The following COX15 variants were observed in gnomAD, a reference collection of about 807,000 sequenced individuals.
The protein encoded by COX15 is heme A synthase COX15.
In COX15, 51 loss-of-function variants were observed where a neutral mutation model predicts 51.9. The ratio of observed to expected loss-of-function variants is 0.98; its 90% confidence interval spans 0.78 to 1.24. The LOEUF (loss-of-function observed/expected upper bound fraction) is 1.24, where lower values mean the gene tolerates loss of function less well. Ranked by LOEUF, COX15 falls within the 50% of genes most tolerant of loss-of-function variation. The probability of loss-of-function intolerance (pLI) is 0.00; values close to 1 mark genes in which losing one functional copy is unlikely to be tolerated. For missense variants in COX15, 420 were observed against 501.1 expected, an observed-to-expected ratio of 0.84 and a Z score of 1.55; for synonymous variants, 188 against 190.5, an observed-to-expected ratio of 0.99 and a Z score of 0.11.
downstream of COX15, among the ~76,000 whole-genome samples, chr10:99,707,045 T>C (rs1489560927): frequency 6.6e-6 from 1 of 152,244 alleles, no homozygotes; most frequent in Non-Finnish European, 1.5e-5. Context: ...GCAGACACTC[T>C]TAAGGATTTT....
the COX15 span, among the ~76,000 whole-genome samples, chr10:99,698,347 C>CT: frequency 6.6e-6 from 1 of 152,034 alleles, no homozygotes; most frequent in African/African-American, 2.4e-5. Flanking sequence ...ATATTCCTCT[C>CT]TTTTTTTTCT....
intron 7 of COX15, among the ~76,000 whole-genome samples, chr10:99,717,977 G>A (rs890005789): frequency 6.6e-6 from 1 of 152,180 alleles, no homozygotes; most frequent in African/African-American, 2.4e-5. Flanking sequence ...AGAGCTACGT[G>A]CTTAGCAGCT....
rs193004071 is a variant in COX15, at chr10:99,715,638, C to G, written c.1101+710G>C. On this transcript the variant is annotated intron_variant, in intron 8 of 8. Coordinates refer to ENST00000016171, the MANE Select transcript of COX15 (RefSeq NM_078470.6). ...TGGGTGACAGAGTGAGACTCCATCT[C>G]TAAAAAAAAAAAAAAAAGATATTGC... Among the ~76,000 whole-genome samples, 711 of 145,290 alleles carry G rather than the reference C, an allele frequency of 4.9e-3. 7 individuals are homozygous for G. Among genetic ancestry groups the G allele is most frequent in the African/African-American group, 0.018 (686 of 38,938 alleles).
rs370721828 is a variant in COX15 at position 99,719,960 on chromosome 10, C to T, written c.832+1027G>A. The stretch of plus-strand genomic sequence containing the variant: ...TGGAAGTATTCTATATTTGTGCCAA[C>T]CAATATACTAGCCCCTAGCCACATG... On this transcript the variant is annotated intron_variant, in intron 6 of 8. Coordinates refer to ENST00000016171, the MANE Select transcript of COX15 (RefSeq NM_078470.6). Among the ~76,000 whole-genome samples, 15 of 152,324 alleles carry T rather than the reference C, an allele frequency of 9.8e-5. No individual in the cohort carries two copies. In the East Asian group the frequency reaches 2.3e-3, roughly 23 times the overall value.
At chr10:99,702,600 C>T in the COX15 span, 5 of 1,613,632 alleles carry the variant, frequency 3.1e-6, no homozygotes, top group East Asian at 8.9e-5. Context: ...GCGGACAGCC[C>T]AGCTGGTGTA....
At chr10:99,695,875 C>A in the COX15 span, 4 of 1,306,820 alleles carry the variant, frequency 3.1e-6, no homozygotes, top group Non-Finnish European at 1.1e-6. Flanking sequence ...AGAAATGAAG[C>A]CTCGTGTATT....
rs2036870845 is a variant in COX15, at chr10:99,724,168, A to G, written c.583-45T>C. On this transcript the variant is annotated intron_variant, in intron 4 of 8. Coordinates refer to ENST00000016171, the MANE Select transcript of COX15 (RefSeq NM_078470.6). The stretch of plus-strand genomic sequence containing the variant: ...AAGCAAACAAAACAAGGTTAAAATG[A>G]TCTGTTCAACTTTCTTTTTTTTGTT... 2.5e-6 allele frequency: 4 copies of G among 1,609,518 alleles called. No homozygotes were observed. In the African/African-American group the frequency reaches 4.0e-5, roughly 16 times the overall value.
rs2036469961 is a variant in COX15 at position 99,713,654 on chromosome 10, T to C, written c.*933A>G. 2.1e-6 allele frequency: 2 copies of C among 954,678 alleles called. No individual in the cohort carries two copies. The highest frequency in any genetic ancestry group is 3.1e-6 in the Non-Finnish European group (2 of 648,428). The allele number at this position is 954,678 out of a possible 1,614,324, so 59.1% of individuals were successfully genotyped here. ...GTCGATTCCATTCCTCTCTCTGACCTTGTAATGTTAACAGCCTTATCAAAA... is the reference window on the plus strand; with the variant it reads ...GTCGATTCCATTCCTCTCTCTGACCCTGTAATGTTAACAGCCTTATCAAAA... On this transcript the variant is annotated 3_prime_UTR_variant, in exon 9 of 9. Transcript: ENST00000016171.
chr10:99,729,550 T>G lies in COX15; in HGVS notation c.272+3A>C, dbSNP rs1180705971. ...CCTGACTCACTACGAGCAAATTACT[T>G]ACCTAGTTACTCCACCAAGAATAAC... On this transcript the variant is annotated splice_donor_region_variant and intron_variant, in intron 2 of 8. Transcript: ENST00000016171. 1 of 1,612,548 alleles carries G rather than the reference T, an allele frequency of 6.2e-7. No individual in the cohort carries two copies. Among genetic ancestry groups the G allele is most frequent in the Non-Finnish European group, 8.5e-7 (1 of 1,179,870 alleles).
intron 5 of COX15, chr10:99,723,252 C>T: frequency 6.5e-6 from 1 of 152,946 alleles, no homozygotes; most frequent in Non-Finnish European, 1.5e-5. Context: ...AAGCAATTCT[C>T]CTGCCTCAGC....
the COX15 span, among the ~76,000 whole-genome samples, chr10:99,695,247 G>C: frequency 6.6e-6 from 1 of 152,098 alleles, no homozygotes; most frequent in Non-Finnish European, 1.5e-5. Context: ...CCACAGAACC[G>C]GGCACAGTGG....
intron 1 of COX15, 57 bp from the exon 2 acceptor site, chr10:99,729,791 C>T: frequency 1.9e-6 from 3 of 1,557,172 alleles, no homozygotes; most frequent in South Asian, 1.1e-5. Context: ...CTGCTACCCA[C>T]ACTCAACCCC....
chr10:99,726,898 A>AC (rs1345050439), intron 4 of COX15, 70 bp downstream of exon 4: 26 of 1,465,718 alleles, frequency 1.8e-5, no homozygotes, highest in African/African-American at 2.8e-5. Flanking sequence ...AAAAAAAAAA[A>AC]AAAAAAAACA....
rs1320398643 is a variant in COX15, at chr10:99,731,963, T to C, written c.87A>G (p.Ala29=). Residue 29 remains alanine, a synonymous_variant, in exon 1 of 9, where the codon GCA becomes GCG. Coordinates refer to ENST00000016171, the MANE Select transcript of COX15 (RefSeq NM_078470.6). ...PLLAPRAAPR[A]QCDCIRRPLR... ...GGAGTCCGCTGCAGTGCGGTACCTG[T>C]GCTCTAGGCGCTGCCCTAGGAGCCA... 10 of 1,609,872 alleles carry C rather than the reference T, an allele frequency of 6.2e-6. No homozygotes were observed. The highest frequency in any genetic ancestry group is 7.6e-6 in the Non-Finnish European group (9 of 1,178,494).
intron 3 of COX15, 120 bp from the exon 4 acceptor site, chr10:99,727,274 C>CGA: frequency 7.0e-7 from 1 of 1,423,354 alleles, no homozygotes; most frequent in Non-Finnish European, 9.7e-7. Flanking sequence ...TGCCCTCTTC[C>CGA]TCATCAACGA....
chr10:99,706,336 C>CTTTTT (rs112095426), downstream of COX15: 1 of 147,702 alleles, frequency 6.8e-6, no homozygotes, highest in Non-Finnish European at 1.5e-5. Flanking sequence ...GACTCTGTTC[C>CTTTTT]TTTTTTTTTT....
At chr10:99,715,986 C>CTT (rs35354032) in intron 8 of COX15, among the ~76,000 whole-genome samples, 5 of 130,196 alleles carry the variant, frequency 3.8e-5, no homozygotes, top group Admixed American at 1.6e-4. Context: ...GTCACCTTTC[C>CTT]TTTTTTTTTT....
the COX15 span, chr10:99,705,340 G>A: frequency 6.5e-6 from 1 of 152,898 alleles, no homozygotes. Context: ...TGAATGGTCT[G>A]TGGAAGATTT....
intron 8 of COX15, among the ~76,000 whole-genome samples, chr10:99,715,391 G>A (rs762460042): frequency 6.6e-5 from 10 of 151,876 alleles, no homozygotes; most frequent in Non-Finnish European, 1.2e-4. Context: ...CGCCCACCTC[G>A]GCCTCCCAAA....
Sources: gnomAD v4.1 joint callset for allele counts (sites outside exome capture counted in the v4.1 genomes callset) on GRCh38, gnomAD v4.1.1 for gene constraint, MANE v1.5 for transcripts, NCBI Gene and HGNC (gene_info 2026-07-23, HGNC 2026-07-21) for gene names.